Variants in PCDHGA1 observed in about 807,000 individuals in gnomAD.
PCDHGA1 encodes protocadherin gamma subfamily A, 1, also known as protocadherin gamma-A1.
Under a neutral mutation model 58.0 loss-of-function variants are expected in PCDHGA1, and 32 were observed. The ratio of observed to expected loss-of-function variants is 0.55; its 90% CI spans 0.42 to 0.74. PCDHGA1 has a LOEUF of 0.74. Among genes scored for constraint, PCDHGA1 ranks in the 30% least tolerant of loss-of-function variants. The probability of loss-of-function intolerance (pLI) is 0.00; values close to 1 mark genes in which losing one functional copy is unlikely to be tolerated. For synonymous variants in PCDHGA1, 498 were observed against 501.1 expected, an observed-to-expected ratio of 0.99 and a Z score of 0.08; for missense variants, 1,205 against 1,182.3, an observed-to-expected ratio of 1.02 and a Z score of -0.28.
Position 141,339,606 on chromosome 5 carries a change from T to C in PCDHGA1, c.2421+6501T>C, listed in dbSNP as rs150493844. On this transcript the variant is annotated intron_variant, in intron 1 of 3. Transcript: ENST00000517417. ...GAAGAGGCTGTTCACCACCTCGTTCTCGTGGCTTCTGATGGGGGTGACCCA... is the reference window on the plus strand; with the variant it reads ...GAAGAGGCTGTTCACCACCTCGTTCCCGTGGCTTCTGATGGGGGTGACCCA... 10 of 1,614,098 alleles carry C rather than the reference T, an allele frequency of 6.2e-6. No homozygotes were observed. The African/African-American group carries it at 1.3e-4, about 22-fold the overall frequency.
intron 1 of PCDHGA1, chr5:141,364,946 A>G (rs1467919510): frequency 1.2e-6 from 2 of 1,613,848 alleles, no homozygotes; most frequent in East Asian, 4.5e-5. Flanking sequence ...CGAGAAAGAG[A>G]CTGTTCACGA....
intron 1 of PCDHGA1, among the ~76,000 whole-genome samples, chr5:141,420,581 C>T (rs1024544346): frequency 2.6e-5 from 4 of 151,994 alleles, no homozygotes; most frequent in Admixed American, 6.5e-5. Flanking sequence ...TAATTGAAAC[C>T]CTGATGCTAC....
At chr5:141,399,450 C>T in intron 1 of PCDHGA1, 3 of 1,614,018 alleles carry the variant, frequency 1.9e-6, no homozygotes, top group Non-Finnish European at 1.7e-6. Context: ...TCAGAGACGT[C>T]AACGATAACG....
At chr5:141,343,988 A>G in intron 1 of PCDHGA1, 1 of 1,461,352 alleles carries the variant, frequency 6.8e-7, no homozygotes. Flanking sequence ...AGTCCGTCGT[A>G]GGAAACTGGA....
rs752796935 is a variant in PCDHGA1, at chr5:141,399,900, C to T, written c.2421+66795C>T. ...TGGTGACCAAGGTAGTGGCCGTGGACGCAGACTCAGGACACAACGCCTGGC... is the reference window on the plus strand; with the variant it reads ...TGGTGACCAAGGTAGTGGCCGTGGATGCAGACTCAGGACACAACGCCTGGC... On this transcript the variant is annotated intron_variant, in intron 1 of 3. Coordinates refer to ENST00000517417, the MANE Select transcript of PCDHGA1 (RefSeq NM_018912.3). The T allele has an allele frequency of 7.4e-6, 12 of 1,612,414 alleles. 1 individual carries two copies. In the South Asian group the frequency reaches 9.9e-5, roughly 13 times the overall value.
At chr5:141,408,396 A>G (rs764101918) in intron 1 of PCDHGA1, 18 of 1,614,020 alleles carry the variant, frequency 1.1e-5, no homozygotes, top group South Asian at 5.5e-5. Flanking sequence ...TCGGCTCGCA[A>G]GCTGCGAGTG....
At chr5:141,404,320 C>T (rs577477279) in intron 1 of PCDHGA1, 8 of 1,613,920 alleles carry the variant, frequency 5.0e-6, no homozygotes, top group Admixed American at 1.7e-5. Flanking sequence ...CTCAAGCCTC[C>T]TACTCAGTCT....
chr5:141,467,409 C>T (rs2099143590), intron 1 of PCDHGA1, among the ~76,000 whole-genome samples: 1 of 152,132 alleles, frequency 6.6e-6, no homozygotes, highest in South Asian at 2.1e-4. Context: ...GAAAGCCTTT[C>T]CCCACACCTA....
intron 1 of PCDHGA1, among the ~76,000 whole-genome samples, chr5:141,461,958 G>C (rs1048690044): frequency 4.5e-4 from 69 of 152,272 alleles, no homozygotes; most frequent in Non-Finnish European, 2.9e-4. Context: ...TGAGTAGCTG[G>C]GATTCCAGGC....
intron 1 of PCDHGA1, chr5:141,346,524 C>T (rs1373597039): frequency 5.0e-6 from 8 of 1,588,144 alleles, no homozygotes; most frequent in Non-Finnish European, 6.0e-6. Flanking sequence ...AAAGCTTTAA[C>T]ACATATGTAT....
chr5:141,343,737 A>G (rs1159932707), intron 1 of PCDHGA1: 1 of 278,184 alleles, frequency 3.6e-6, no homozygotes, highest in Non-Finnish European at 6.6e-6. Context: ...TTCAAAAATA[A>G]TAATGTGTCT....
At chr5:141,458,345 G>A (rs1161535708) in intron 1 of PCDHGA1, among the ~76,000 whole-genome samples, 2 of 152,112 alleles carry the variant, frequency 1.3e-5, no homozygotes, top group Non-Finnish European at 2.9e-5. Context: ...GGAGTGGAGA[G>A]TTTAATAAGC....
At position 141,428,400 on chromosome 5, in the gene PCDHGA1, G is replaced by T. The variant is rs373595231; in HGVS notation, c.2422-66407G>T. 3 of 483,290 alleles carry T rather than the reference G, an allele frequency of 6.2e-6. No individual in the cohort carries two copies. The East Asian group carries it at 1.2e-4, about 20-fold the overall frequency. 29.9% of individuals were successfully genotyped at this position (483,290 alleles called of 1,614,324 possible). ...GATGCTCTTCCAGCCCCTCTGCCTGGGGTTGCTTTCACCCTGGTCTCTGTT... is the reference window on the plus strand; with the variant it reads ...GATGCTCTTCCAGCCCCTCTGCCTGTGGTTGCTTTCACCCTGGTCTCTGTT... On this transcript the variant is annotated intron_variant, in intron 1 of 3. Coordinates refer to ENST00000517417, the MANE Select transcript of PCDHGA1 (RefSeq NM_018912.3).
chr5:141,507,609 A>G (rs2099862010), intron 3 of PCDHGA1, among the ~76,000 whole-genome samples: 1 of 152,260 alleles, frequency 6.6e-6, no homozygotes, highest in Non-Finnish European at 1.5e-5. Context: ...ATAAACAGGT[A>G]TATTTAGCTG....
chr5:141,357,981 G>C (rs1413187793), intron 1 of PCDHGA1, among the ~76,000 whole-genome samples: 1 of 152,130 alleles, frequency 6.6e-6, no homozygotes, highest in Non-Finnish European at 1.5e-5. Context: ...CCTGAGCTCA[G>C]GAGTTCGAGA....
chr5:141,345,203 G>A (rs1259862637), intron 1 of PCDHGA1: 2 of 1,613,954 alleles, frequency 1.2e-6, no homozygotes, highest in East Asian at 4.5e-5. Flanking sequence ...TGGGAAATCT[G>A]CCATTTAAGT....
chr5:141,360,880 G>C, intron 1 of PCDHGA1: 1 of 1,614,004 alleles, frequency 6.2e-7, no homozygotes, highest in Non-Finnish European at 8.5e-7. Flanking sequence ...CGTGTACAGG[G>C]TCACCCTGAG....
intron 1 of PCDHGA1, among the ~76,000 whole-genome samples, chr5:141,353,829 C>T (rs1366224515): frequency 6.6e-6 from 1 of 152,152 alleles, no homozygotes; most frequent in Non-Finnish European, 1.5e-5. Flanking sequence ...GCAGTTTGTG[C>T]GGTCTTTGAG....
At chr5:141,393,914 C>T (rs765664879) in intron 1 of PCDHGA1, 2 of 1,613,932 alleles carry the variant, frequency 1.2e-6, no homozygotes, top group South Asian at 2.2e-5. Flanking sequence ...CAGTAATTGC[C>T]TTCTTGAGTG....
Sources: gnomAD v4.1 joint callset for allele counts (sites outside exome capture counted in the v4.1 genomes callset) on GRCh38, gnomAD v4.1.1 for gene constraint, MANE v1.5 for transcripts, NCBI Gene and HGNC (gene_info 2026-07-23, HGNC 2026-07-21) for gene names.